The following BAZ2B variants were observed in gnomAD, a reference collection of about 807,000 sequenced individuals.
BAZ2B encodes bromodomain adjacent to zinc finger domain 2B, also known as bromodomain adjacent to zinc finger domain protein 2B.
Under a neutral mutation model 246.0 loss-of-function variants are expected in BAZ2B, and 91 were observed. The ratio of observed to expected loss-of-function variants is 0.37; its 90% CI spans 0.31 to 0.44. The LOEUF (loss-of-function observed/expected upper bound fraction) is 0.44, where lower values mean the gene tolerates loss of function less well. Ranked by LOEUF, BAZ2B falls within the 20% of genes least tolerant of loss-of-function variation. The pLI is 1.00. For missense variants in BAZ2B, 2,332 were observed against 2,533.7 expected (o/e 0.92, Z 1.71); for synonymous variants, 855 against 860.0 (o/e 0.99, Z 0.10).
the BAZ2B span, among the ~76,000 whole-genome samples, chr2:159,686,878 T>C: frequency 6.6e-6 from 1 of 151,876 alleles, no homozygotes; most frequent in South Asian, 2.1e-4. Context: ...CTGTCTCTAC[T>C]AAAAATACAA....
At chr2:159,710,806 A>G in the BAZ2B span, 1 of 152,228 alleles carries the variant, frequency 6.6e-6, no homozygotes, top group South Asian at 2.1e-4. Context: ...TCTGTAGAGT[A>G]GTTACCACTG....
intron 2 of BAZ2B, among the ~76,000 whole-genome samples, chr2:159,524,763 TAAATC>T (rs1279686462): frequency 3.9e-5 from 6 of 152,176 alleles, no homozygotes; most frequent in Non-Finnish European, 8.8e-5. Context: ...TTTTCCTAAA[TAAATC>T]CAATCGGCGA....
intron 3 of BAZ2B, among the ~76,000 whole-genome samples, chr2:159,457,746 C>G (rs1041111207): frequency 9.9e-5 from 15 of 152,222 alleles, no homozygotes; most frequent in African/African-American, 2.9e-4. Flanking sequence ...CCAGCCCCTC[C>G]CAGGGCCACT....
chr2:159,599,262 C>T (rs1691502823), intron 1 of BAZ2B, among the ~76,000 whole-genome samples: 1 of 152,162 alleles, frequency 6.6e-6, no homozygotes. Flanking sequence ...CCCTGTCTTA[C>T]AGGGACTCAG....
intron 2 of BAZ2B, chr2:159,536,317 G>A (rs1330446619): frequency 6.6e-6 from 1 of 152,074 alleles, no homozygotes; most frequent in African/African-American, 2.4e-5. Flanking sequence ...TGAACAATTA[G>A]GTGTAAACAC....
chr2:159,559,576 C>A (rs1052676020), intron 1 of BAZ2B, among the ~76,000 whole-genome samples: 5 of 152,242 alleles, frequency 3.3e-5, no homozygotes, highest in Admixed American at 2.6e-4. Context: ...ATACAGTTTA[C>A]TTAAAGCACT....
chr2:159,336,385 G>A (rs776601921), intron 33 of BAZ2B, among the ~76,000 whole-genome samples: 1 of 152,108 alleles, frequency 6.6e-6, no homozygotes, highest in Non-Finnish European at 1.5e-5. Context: ...AAACTAATTG[G>A]GGTTGTAGAA....
chr2:159,432,774 G>A lies in BAZ2B; in HGVS notation c.1883C>T (p.Ser628Phe), dbSNP rs763874231. 6.8e-6 allele frequency: 11 copies of A among 1,612,288 alleles called. No individual in the cohort carries two copies. The highest frequency in any genetic ancestry group is 1.7e-4 in the Middle Eastern group (1 of 6,054). ...AAAATAACCTGATTGGCTGTCATCA[G>A]ATTCATCATCTTCATCATCTTCCTC... ...EDEEDDEDDE[S>F]DDSQSESDSN... The change falls in exon 9 of 37, where the codon TCT (serine) becomes TTT (phenylalanine). Residue 628 changes from serine to phenylalanine, a missense_variant. Physicochemically the swap from Ser to Phe is radical, Grantham distance 155. Around this residue, in one of 9 missense-constraint regions of BAZ2B, gnomAD observed 651 missense variants for 650.9 expected, o/e 1.00. Transcript: ENST00000392783.
At chr2:159,687,181 T>C in the BAZ2B span, among the ~76,000 whole-genome samples, 1 of 152,216 alleles carries the variant, frequency 6.6e-6, no homozygotes, top group South Asian at 2.1e-4. Flanking sequence ...ATTTGGTTTT[T>C]GTCTCCAATT....
chr2:159,494,199 T>C (rs138555263), intron 2 of BAZ2B, among the ~76,000 whole-genome samples: 349 of 152,294 alleles, frequency 2.3e-3, no homozygotes, highest in African/African-American at 8.2e-3. Context: ...TTAGTCCCAG[T>C]TACAGCAATA....
chr2:159,663,631 T>G, the BAZ2B span, among the ~76,000 whole-genome samples: 1 of 152,072 alleles, frequency 6.6e-6, no homozygotes, highest in African/African-American at 2.4e-5. Flanking sequence ...GCGATTCTCC[T>G]GCCTCAGCCT....
chr2:159,528,103 T>C (rs2084948947), intron 2 of BAZ2B, among the ~76,000 whole-genome samples: 1 of 152,116 alleles, frequency 6.6e-6, no homozygotes, highest in African/African-American at 2.4e-5. Flanking sequence ...GTAAATGAGA[T>C]TAAATTTTAT....
At chr2:159,706,547 T>G in the BAZ2B span, among the ~76,000 whole-genome samples, 28 of 152,360 alleles carry the variant, frequency 1.8e-4, no homozygotes, top group African/African-American at 5.1e-4. Context: ...TGTGTGTTTG[T>G]GCACGCACGC....
chr2:159,491,425 A>G lies in BAZ2B; in HGVS notation c.-2-12704T>C, dbSNP rs374849405. Among the ~76,000 whole-genome samples the G allele has an allele frequency of 7.9e-5, 12 of 152,322 alleles. 1 individual carries two copies. The East Asian group carries it at 1.7e-3, about 22-fold the overall frequency. ...ATTAACTCTCTAATTGATGAGTATT[A>G]AAAGTCTTCTGTTGGCCAGGCGCGG... On this transcript the variant is annotated intron_variant, in intron 2 of 36. Transcript: ENST00000392783.
chr2:159,687,062 A>C, the BAZ2B span, among the ~76,000 whole-genome samples: 7 of 139,212 alleles, frequency 5.0e-5, no homozygotes, highest in African/African-American at 1.1e-4. Flanking sequence ...AAAAAAAGGC[A>C]CCATAGTAAT....
At chr2:159,393,612 TA>T (rs756289907) in intron 20 of BAZ2B, among the ~76,000 whole-genome samples, 10 of 119,838 alleles carry the variant, frequency 8.3e-5, no homozygotes, top group Non-Finnish European at 1.8e-4. Context: ...GAGTATTCTG[TA>T]TTCTACTTCT....
chr2:159,584,845 A>G (rs1687681590), intron 1 of BAZ2B, among the ~76,000 whole-genome samples: 1 of 152,174 alleles, frequency 6.6e-6, no homozygotes, highest in African/African-American at 2.4e-5. Context: ...TTGTTGTTGC[A>G]ATAGTGAGTT....
chr2:159,621,193 G>C (rs1012837940), upstream of BAZ2B, among the ~76,000 whole-genome samples: 1 of 152,146 alleles, frequency 6.6e-6, no homozygotes, highest in Non-Finnish European at 1.5e-5. Context: ...ACGCTTTATA[G>C]GCCTCTTTTA....
At chr2:159,711,806 C>T in the BAZ2B span, 1 of 152,144 alleles carries the variant, frequency 6.6e-6, no homozygotes, top group African/African-American at 2.4e-5. Flanking sequence ...TCACAATTTT[C>T]CTCCCTCTTT....
Sources: allele counts gnomAD v4.1 joint callset (sites outside exome capture counted in the v4.1 genomes callset), GRCh38; gene constraint gnomAD v4.1.1; regional missense constraint gnomAD v4.1.1; transcripts MANE v1.5; gene names NCBI Gene and HGNC (gene_info 2026-07-23, HGNC 2026-07-21).